Variants in DCDC2 observed in about 807,000 individuals in gnomAD.
DCDC2 encodes doublecortin domain-containing protein 2.
DCDC2 carries 40 observed loss-of-function variants against 50.2 expected under a neutral mutation model. That is an observed-to-expected ratio of 0.80 (90% CI 0.62 to 1.04). The LOEUF (loss-of-function observed/expected upper bound fraction) is 1.04. Ranked by LOEUF, DCDC2 falls within the 50% of genes least tolerant of loss-of-function variation. The pLI is 0.00. For synonymous variants in DCDC2, 234 were observed against 210.6 expected (o/e 1.11, Z -0.96); for missense variants, 570 against 581.9 (o/e 0.98, Z 0.21).
At chr6:24,367,989 T>C in the DCDC2 span, among the ~76,000 whole-genome samples, 2 of 152,248 alleles carry the variant, frequency 1.3e-5, no homozygotes, top group East Asian at 3.9e-4. Context: ...GCAGAATCTC[T>C]AGAATTGAAA....
rs1027558772 is a variant in DCDC2 at position 24,174,849 on chromosome 6, A to T, written c.1327-15T>A. 7 of 1,573,498 alleles carry T rather than the reference A, an allele frequency of 4.4e-6. No individual in the cohort carries two copies. The Admixed American group carries it at 6.7e-5, about 15-fold the overall frequency. On this transcript the variant is annotated splice_polypyrimidine_tract_variant and intron_variant, in intron 9 of 9. Coordinates refer to ENST00000378454, the MANE Select transcript of DCDC2 (RefSeq NM_016356.5). ...TCTACATCAGCCTAGAAGAAAATAG[A>T]TCAAAACAAAGGTATTCAGCTGTTT...
chr6:24,287,247 G>C (rs544657694), intron 6 of DCDC2, among the ~76,000 whole-genome samples: 1 of 152,310 alleles, frequency 6.6e-6, no homozygotes, highest in South Asian at 2.1e-4. Context: ...ATTGTCCCGG[G>C]GCTCGGGAGC....
intron 2 of DCDC2, among the ~76,000 whole-genome samples, chr6:24,316,714 G>A (rs984876776): frequency 1.3e-5 from 2 of 152,002 alleles, no homozygotes; most frequent in African/African-American, 4.8e-5. Context: ...ATGTCTGCCT[G>A]ATTTATCCTG....
Position 24,288,921 on chromosome 6 carries a change from T to C in DCDC2, c.705-15A>G. The stretch of plus-strand genomic sequence containing the variant: ...AAGCTTTCTGACTGTGGAAACAAAT[T>C]GCAATTTAGAAATCTGAATGTTGTT... On this transcript the variant is annotated splice_polypyrimidine_tract_variant and intron_variant, in intron 5 of 9. Coordinates refer to ENST00000378454, the MANE Select transcript of DCDC2 (RefSeq NM_016356.5). 6.3e-7 allele frequency: 1 copy of C among 1,583,322 alleles called. No homozygotes were observed. Among genetic ancestry groups the C allele is most frequent in the Non-Finnish European group, 8.6e-7 (1 of 1,166,068 alleles).
intron 7 of DCDC2, among the ~76,000 whole-genome samples, chr6:24,237,762 C>T (rs1762478254): frequency 6.6e-6 from 1 of 152,106 alleles, no homozygotes; most frequent in Non-Finnish European, 1.5e-5. Context: ...AAATCATGTC[C>T]TCTGCAGCAA....
chr6:24,264,666 C>A (rs1763080006), intron 7 of DCDC2, among the ~76,000 whole-genome samples: 2 of 150,982 alleles, frequency 1.3e-5, no homozygotes, highest in African/African-American at 4.9e-5. Flanking sequence ...TTAAAACATA[C>A]CACCAGAGAA....
chr6:24,360,129 C>T (rs1171913537), upstream of DCDC2, among the ~76,000 whole-genome samples: 1 of 152,202 alleles, frequency 6.6e-6, no homozygotes, highest in Non-Finnish European at 1.5e-5. Flanking sequence ...CCAAGGGGAA[C>T]GGAGTTGTTA....
At chr6:24,188,224 A>G (rs1196221765) in intron 8 of DCDC2, among the ~76,000 whole-genome samples, 1 of 152,222 alleles carries the variant, frequency 6.6e-6, no homozygotes, top group Admixed American at 6.5e-5. Flanking sequence ...CACTGTGCAC[A>G]GTAGGGCTGT....
intron 2 of DCDC2, among the ~76,000 whole-genome samples, chr6:24,309,639 AAAGAC>A (rs1266240500): frequency 1.3e-5 from 2 of 152,246 alleles, no homozygotes; most frequent in Non-Finnish European, 2.9e-5. Flanking sequence ...TGTTCATAAA[AAAGAC>A]AAGAAAGAAC....
the DCDC2 span, among the ~76,000 whole-genome samples, chr6:24,382,132 G>A: frequency 6.6e-6 from 1 of 151,960 alleles, no homozygotes; most frequent in Non-Finnish European, 1.5e-5. Context: ...CAATACTCCA[G>A]GCAATTTTTC....
intron 8 of DCDC2, among the ~76,000 whole-genome samples, chr6:24,197,454 G>T (rs776388920): frequency 6.6e-6 from 1 of 152,178 alleles, no homozygotes; most frequent in Non-Finnish European, 1.5e-5. Context: ...ATCAGGTGTT[G>T]TATATACATG....
the DCDC2 span, among the ~76,000 whole-genome samples, chr6:24,368,305 T>A: frequency 2.0e-5 from 3 of 152,092 alleles, no homozygotes; most frequent in African/African-American, 7.2e-5. Flanking sequence ...TAAAGTTTTC[T>A]GTAATTATTG....
intron 7 of DCDC2, among the ~76,000 whole-genome samples, chr6:24,245,835 A>T (rs1340118498): frequency 1.3e-5 from 2 of 152,238 alleles, no homozygotes; most frequent in African/African-American, 4.8e-5. Context: ...AAAACTGGCA[A>T]ATTTGAAAAA....
intron 6 of DCDC2, among the ~76,000 whole-genome samples, chr6:24,279,341 A>G (rs559252168): frequency 6.6e-6 from 1 of 152,110 alleles, no homozygotes; most frequent in African/African-American, 2.4e-5. Context: ...CTAGGGGGCA[A>G]AGGTGGGAGG....
chr6:24,223,237 A>G (rs1298234828), intron 7 of DCDC2, among the ~76,000 whole-genome samples: 1 of 152,244 alleles, frequency 6.6e-6, no homozygotes, highest in African/African-American at 2.4e-5. Context: ...ATTTAAATGT[A>G]TGACACATTG....
intron 7 of DCDC2, among the ~76,000 whole-genome samples, chr6:24,273,157 T>C (rs1763277806): frequency 6.6e-6 from 1 of 152,122 alleles, no homozygotes; most frequent in East Asian, 1.9e-4. Context: ...CTGGAGGCCA[T>C]TATCCTAACA....
intron 4 of DCDC2, among the ~76,000 whole-genome samples, chr6:24,293,952 A>C (rs889570568): frequency 1.3e-5 from 2 of 152,230 alleles, no homozygotes; most frequent in African/African-American, 4.8e-5. Flanking sequence ...AATAAAATTA[A>C]GGCAGAAATC....
rs1554115201 is a variant in DCDC2 at position 24,273,072 on chromosome 6, C to CGTATAG, written c.922+4976_922+4977insCTATAC. Among the ~76,000 whole-genome samples the CGTATAG allele has an allele frequency of 2.6e-5, 4 of 151,654 alleles. No homozygotes were observed. In the East Asian group the frequency reaches 7.7e-4, roughly 29 times the overall value. ...GTATATAGATGTAGATATACACATA[C>CGTATAG]ATATAAACACACACAGTAAAATACT... On this transcript the variant is annotated intron_variant, in intron 7 of 9. Transcript: ENST00000378454.
chr6:24,183,216 G>C (rs1319147592), intron 8 of DCDC2, among the ~76,000 whole-genome samples: 1 of 152,166 alleles, frequency 6.6e-6, no homozygotes, highest in Non-Finnish European at 1.5e-5. Flanking sequence ...CCTGGTTGGT[G>C]GTGGTGGTTA....
Sources: gnomAD v4.1 joint callset for allele counts (sites outside exome capture counted in the v4.1 genomes callset) on GRCh38, gnomAD v4.1.1 for gene constraint, MANE v1.5 for transcripts, NCBI Gene and HGNC (gene_info 2026-07-23, HGNC 2026-07-21) for gene names.